Variants in LRRC37A2 observed in about 807,000 individuals in gnomAD.
LRRC37A2 encodes leucine rich repeat containing 37 member A2.
LRRC37A2 carries 9 observed loss-of-function variants against 68.8 expected under a neutral mutation model. The observed-to-expected ratio is 0.13, with a 90% CI of 0.08 to 0.23. The LOEUF (loss-of-function observed/expected upper bound fraction) is 0.23, where lower values mean the gene tolerates loss of function less well. LRRC37A2 is among the 10% of genes least tolerant of loss of function. The probability of loss-of-function intolerance (pLI) is 1.00; values close to 1 mark genes in which losing one functional copy is unlikely to be tolerated. For synonymous variants in LRRC37A2, 63 were observed against 367.6 expected (o/e 0.17, Z 9.48); for missense variants, 168 against 950.4 (o/e 0.18, Z 10.82).
the LRRC37A2 span, among the ~76,000 whole-genome samples, chr17:46,817,639 C>A: frequency 6.9e-6 from 1 of 145,390 alleles, no homozygotes; most frequent in Non-Finnish European, 1.5e-5. Flanking sequence ...CACAGCCCCC[C>A]CCAAGCACTG....
At chr17:47,017,797 A>G in the LRRC37A2 span, 1 of 1,610,254 alleles carries the variant, frequency 6.2e-7, no homozygotes, top group East Asian at 2.2e-5. Context: ...CTCCGGGTGA[A>G]GTCAGATGAG....
At chr17:46,708,438 A>G in the LRRC37A2 span, among the ~76,000 whole-genome samples, 1 of 150,040 alleles carries the variant, frequency 6.7e-6, no homozygotes, top group African/African-American at 2.5e-5. Context: ...TTTCGTAATG[A>G]TTAGTGGTGA....
chr17:47,025,595 T>C, the LRRC37A2 span, among the ~76,000 whole-genome samples: 1 of 151,252 alleles, frequency 6.6e-6, no homozygotes, highest in African/African-American at 2.4e-5. Context: ...AAAATAACGA[T>C]CGCCCCAGCC....
At chr17:46,896,173 A>AT in the LRRC37A2 span, among the ~76,000 whole-genome samples, 1 of 151,944 alleles carries the variant, frequency 6.6e-6, no homozygotes, top group Admixed American at 6.6e-5. Context: ...AGATGCCTGT[A>AT]ATCCCAGCTA....
chr17:46,974,289 C>T, the LRRC37A2 span, among the ~76,000 whole-genome samples: 3 of 151,924 alleles, frequency 2.0e-5, no homozygotes, highest in Non-Finnish European at 4.4e-5. Flanking sequence ...CAGTGCCTGG[C>T]ACAGTGCCTA....
the LRRC37A2 span, chr17:46,938,542 C>T: frequency 5.0e-6 from 8 of 1,611,040 alleles, no homozygotes; most frequent in Non-Finnish European, 6.8e-6. Flanking sequence ...TGCCATTCAC[C>T]CACTCTTGGT....
At chr17:46,679,785 T>C in the LRRC37A2 span, among the ~76,000 whole-genome samples, 3 of 151,454 alleles carry the variant, frequency 2.0e-5, no homozygotes, top group East Asian at 3.9e-4. Context: ...TTCCAAAGCA[T>C]AGGGAGGAGC....
chr17:46,901,803 A>ATTTTTTTTTTTT, the LRRC37A2 span, among the ~76,000 whole-genome samples: 2 of 128,200 alleles, frequency 1.6e-5, 1 homozygote, highest in African/African-American at 6.6e-5. Flanking sequence ...TGGAGCAAGA[A>ATTTTTTTTTTTT]TTTTTTTTTT....
chr17:46,968,412 C>T, the LRRC37A2 span, among the ~76,000 whole-genome samples: 2 of 152,254 alleles, frequency 1.3e-5, no homozygotes, highest in African/African-American at 4.8e-5. Context: ...CATTCCCACG[C>T]TTACATCCTA....
chr17:46,896,865 C>T, the LRRC37A2 span, among the ~76,000 whole-genome samples: 1 of 152,098 alleles, frequency 6.6e-6, no homozygotes. Context: ...GGCCTGGGAC[C>T]CTGAGGGCAT....
chr17:46,772,249 A>C, the LRRC37A2 span, among the ~76,000 whole-genome samples: 1 of 151,868 alleles, frequency 6.6e-6, no homozygotes, highest in Non-Finnish European at 1.5e-5. Flanking sequence ...TCGGGCACAC[A>C]TCGCCCCTCC....
At chr17:46,800,846 C>T in the LRRC37A2 span, among the ~76,000 whole-genome samples, 7 of 152,076 alleles carry the variant, frequency 4.6e-5, no homozygotes, top group Non-Finnish European at 1.0e-4. Context: ...GCTGGGGCCG[C>T]GGTGCTGAGG....
chr17:46,930,765 A>G, the LRRC37A2 span: 2 of 233,104 alleles, frequency 8.6e-6, no homozygotes, highest in African/African-American at 2.3e-5. Flanking sequence ...AAAGAGACCT[A>G]TATCAGAAAA....
At chr17:46,903,148 G>A in the LRRC37A2 span, among the ~76,000 whole-genome samples, 2 of 152,098 alleles carry the variant, frequency 1.3e-5, no homozygotes, top group African/African-American at 4.8e-5. Context: ...AGGTATGGTG[G>A]TGCATGCCTG....
chr17:47,034,275 C>T, the LRRC37A2 span, among the ~76,000 whole-genome samples: 1 of 152,336 alleles, frequency 6.6e-6, no homozygotes, highest in East Asian at 1.9e-4. Flanking sequence ...CAAACTTGAG[C>T]CATTGAGCCA....
chr17:47,017,290 T>C, the LRRC37A2 span: 3 of 1,609,536 alleles, frequency 1.9e-6, no homozygotes, highest in Non-Finnish European at 2.5e-6. Context: ...TTGTGGCTAC[T>C]AGTCAAGGAG....
the LRRC37A2 span, chr17:46,875,331 C>T: frequency 5.9e-5 from 95 of 1,611,870 alleles, no homozygotes; most frequent in African/African-American, 6.4e-4. Flanking sequence ...CCTGCGGGCA[C>T]GGGCAGACGC....
At chr17:46,944,503 C>T in the LRRC37A2 span, among the ~76,000 whole-genome samples, 1 of 152,216 alleles carries the variant, frequency 6.6e-6, no homozygotes, top group African/African-American at 2.4e-5. Context: ...GGGCTGCTTC[C>T]TGGAGTCCCC....
chr17:46,958,275 A>G, the LRRC37A2 span, among the ~76,000 whole-genome samples: 15 of 152,154 alleles, frequency 9.9e-5, no homozygotes, highest in Non-Finnish European at 7.4e-5. Context: ...CAAATCACAC[A>G]CCAAATAAGG....
Sources: gnomAD v4.1 joint callset for allele counts (sites outside exome capture counted in the v4.1 genomes callset) on GRCh38, gnomAD v4.1.1 for gene constraint, MANE v1.5 for transcripts, NCBI Gene and HGNC (gene_info 2026-07-23, HGNC 2026-07-21) for gene names.